Variants in MACROD2 observed in about 807,000 individuals in gnomAD.
MACROD2 encodes the protein ADP-ribose glycohydrolase MACROD2.
Under a neutral mutation model 70.4 loss-of-function variants are expected in MACROD2, and 36 were observed. That is an observed-to-expected ratio of 0.51 (90% CI 0.39 to 0.68). The LOEUF (loss-of-function observed/expected upper bound fraction) is 0.68. MACROD2 is among the 30% of genes least tolerant of loss of function. MACROD2 has a pLI of 0.00. For missense variants in MACROD2, 496 were observed against 538.4 expected (o/e 0.92, Z 0.78); for synonymous variants, 172 against 178.8 (o/e 0.96, Z 0.30).
chr20:16,022,794 G>A (rs114932219), intron 15 of MACROD2, among the ~76,000 whole-genome samples: 262 of 152,288 alleles, frequency 1.7e-3, no homozygotes, highest in African/African-American at 5.0e-3. Flanking sequence ...TTCCTATAAC[G>A]ATTTCAGAGC....
At chr20:15,401,464 T>C (rs1020701773) in intron 6 of MACROD2, among the ~76,000 whole-genome samples, 6 of 152,184 alleles carry the variant, frequency 3.9e-5, no homozygotes, top group Admixed American at 2.0e-4. Flanking sequence ...GGGCCCTTAT[T>C]CCACTAATAT....
At chr20:14,205,169 G>T (rs574395706) in intron 3 of MACROD2, among the ~76,000 whole-genome samples, 1 of 152,248 alleles carries the variant, frequency 6.6e-6, no homozygotes, top group African/African-American at 2.4e-5. Flanking sequence ...GCCCATAGAA[G>T]ACATTATTTA....
At chr20:15,268,462 C>T (rs183839051) in intron 6 of MACROD2, among the ~76,000 whole-genome samples, 16 of 152,210 alleles carry the variant, frequency 1.1e-4, no homozygotes, top group African/African-American at 3.9e-4. Context: ...CCCAGCCTGG[C>T]CAAGATGGTG....
chr20:15,777,228 T>A (rs1322945098), intron 8 of MACROD2, among the ~76,000 whole-genome samples: 1 of 152,164 alleles, frequency 6.6e-6, no homozygotes, highest in Non-Finnish European at 1.5e-5. Context: ...TGAATATGTA[T>A]GCTGTATATA....
intron 8 of MACROD2, among the ~76,000 whole-genome samples, chr20:15,692,025 G>C (rs2050305238): frequency 1.3e-5 from 2 of 152,068 alleles, no homozygotes; most frequent in Non-Finnish European, 2.9e-5. Context: ...AATTATAATT[G>C]GGTTTCCTGT....
chr20:14,375,588 T>C (rs937977405), intron 3 of MACROD2, among the ~76,000 whole-genome samples: 1 of 152,148 alleles, frequency 6.6e-6, no homozygotes, highest in Admixed American at 6.5e-5. Context: ...GGTTGGGGCT[T>C]TTCTAGGTGA....
chr20:15,325,095 A>G (rs1156552851), intron 6 of MACROD2, among the ~76,000 whole-genome samples: 12 of 152,166 alleles, frequency 7.9e-5, no homozygotes. Flanking sequence ...GTAGAATGCT[A>G]ACTGTATCCT....
chr20:15,664,022 G>A (rs455709), intron 8 of MACROD2, among the ~76,000 whole-genome samples: 103,274 of 152,152 alleles, frequency 0.68, 35,744 homozygotes, highest in East Asian at 0.84. Context: ...AATGAGAAAC[G>A]GGGAATAAAT....
rs1600378823 is a variant in MACROD2, at chr20:15,414,892, A to G, written c.541-16513A>G. On this transcript the variant is annotated intron_variant, in intron 6 of 17. Transcript: ENST00000684519. ...CATAATTTCAGCCTGCCCCAGAGAA[A>G]CGGAATCAGAATTTGCATTTTAGCA... Among the ~76,000 whole-genome samples, 2 of 152,194 alleles carry G rather than the reference A, an allele frequency of 1.3e-5. 1 individual carries two copies. Among genetic ancestry groups the G allele is most frequent in the South Asian group, 4.1e-4 (2 of 4,830 alleles).
chr20:15,023,036 A>G (rs2075201455), intron 5 of MACROD2: 1 of 152,062 alleles, frequency 6.6e-6, no homozygotes, highest in Admixed American at 6.6e-5. Flanking sequence ...GTCATGCACC[A>G]CAATTCTATA....
At chr20:15,110,564 T>C (rs2075946621) in intron 5 of MACROD2, among the ~76,000 whole-genome samples, 1 of 152,182 alleles carries the variant, frequency 6.6e-6, no homozygotes, top group Non-Finnish European at 1.5e-5. Flanking sequence ...AAGTAAGTGT[T>C]TGTGAATACT....
In MACROD2 at chr20:15,125,488, T is replaced by G. The variant is rs2076059698; in HGVS notation, c.419-104452T>G. ...TATTCATTCATTCAACCAACATTTA[T>G]CAAATACTTATCATAGTGAATCTAT... On this transcript the variant is annotated intron_variant, in intron 5 of 17. Coordinates refer to ENST00000684519, the MANE Select transcript of MACROD2 (RefSeq NM_001351661.2). Among the ~76,000 whole-genome samples the G allele has an allele frequency of 2.0e-5, 3 of 152,120 alleles. No individual in the cohort carries two copies. In the South Asian group the frequency reaches 6.2e-4, roughly 32 times the overall value.
At chr20:14,523,254 A>AC (rs1186019111) in intron 4 of MACROD2, 34 of 152,268 alleles carry the variant, frequency 2.2e-4, no homozygotes, top group African/African-American at 7.9e-4. Context: ...TCCTCCAATC[A>AC]CCAGCAGACA....
intron 5 of MACROD2, among the ~76,000 whole-genome samples, chr20:15,156,335 G>C (rs1336216528): frequency 6.6e-6 from 1 of 151,756 alleles, no homozygotes; most frequent in African/African-American, 2.4e-5. Context: ...CAGTGACTTA[G>C]AAAAAAAAGC....
chr20:15,102,205 A>G (rs1218627516), intron 5 of MACROD2, among the ~76,000 whole-genome samples: 2 of 152,042 alleles, frequency 1.3e-5, no homozygotes, highest in Admixed American at 6.6e-5. Flanking sequence ...GCTCACAAAT[A>G]AAGGAAAAAC....
intron 8 of MACROD2, among the ~76,000 whole-genome samples, chr20:15,611,631 C>T (rs1214649958): frequency 6.6e-6 from 1 of 151,836 alleles, no homozygotes; most frequent in Non-Finnish European, 1.5e-5. Context: ...CTGATGTTCT[C>T]TTGTGATTAA....
At chr20:14,357,204 G>C (rs891619565) in intron 3 of MACROD2, among the ~76,000 whole-genome samples, 1 of 152,168 alleles carries the variant, frequency 6.6e-6, no homozygotes, top group Non-Finnish European at 1.5e-5. Flanking sequence ...GAGAAATACA[G>C]CTGGCCATGG....
At chr20:15,558,134 A>G (rs1342453784) in intron 8 of MACROD2, among the ~76,000 whole-genome samples, 1 of 152,216 alleles carries the variant, frequency 6.6e-6, no homozygotes, top group African/African-American at 2.4e-5. Context: ...TGTCAATGGA[A>G]ATTCATTAGA....
At chr20:15,117,511 C>T (rs766636011) in intron 5 of MACROD2, among the ~76,000 whole-genome samples, 14 of 143,440 alleles carry the variant, frequency 9.8e-5, no homozygotes, top group South Asian at 2.2e-4. Flanking sequence ...CAGGAAATAT[C>T]GCGATTTCAA....
Sources: allele counts gnomAD v4.1 joint callset (sites outside exome capture counted in the v4.1 genomes callset), GRCh38; gene constraint gnomAD v4.1.1; transcripts MANE v1.5; gene names NCBI Gene and HGNC (gene_info 2026-07-23, HGNC 2026-07-21).